The following ACSF2 variants were observed in gnomAD, a reference collection of about 807,000 sequenced individuals.
ACSF2 encodes the protein acyl-CoA synthetase family member 2.
In ACSF2, 52 loss-of-function variants were observed where a neutral mutation model predicts 79.3. The observed-to-expected ratio is 0.66, with a 90% CI of 0.53 to 0.83. ACSF2 has a LOEUF of 0.83. Ranked by LOEUF, ACSF2 falls within the 40% of genes least tolerant of loss-of-function variation. The probability of loss-of-function intolerance (pLI) is 0.00; values close to 1 mark genes in which losing one functional copy is unlikely to be tolerated. For missense variants in ACSF2, 661 were observed against 803.3 expected (o/e 0.82, Z 2.14); for synonymous variants, 283 against 312.6 (o/e 0.91, Z 1.00).
intron 10 of ACSF2, chr17:50,465,495 A>G: frequency 6.3e-7 from 1 of 1,597,796 alleles, no homozygotes; most frequent in East Asian, 2.2e-5. Context: ...GCTGGGGGGA[A>G]GGGCAGTGAA....
At chr17:50,469,666 C>T (rs1218788585) in intron 10 of ACSF2, among the ~76,000 whole-genome samples, 1 of 152,248 alleles carries the variant, frequency 6.6e-6, no homozygotes, top group African/African-American at 2.4e-5. Context: ...CATCCCCCCT[C>T]CTTCATCGCC....
chr17:50,453,448 T>C (rs1286503156), intron 1 of ACSF2, among the ~76,000 whole-genome samples: 4 of 151,988 alleles, frequency 2.6e-5, no homozygotes, highest in Non-Finnish European at 5.9e-5. Context: ...CCTCAGATGA[T>C]CCACCCACCT....
rs762475869 is a variant in ACSF2, at chr17:50,463,127, G to A, written c.793-29G>A. ...AGGGTGGGAAGGAGATGAGAAGGAG[G>A]CCAAGCCATGCCCTGTTTGCCTTGT... On this transcript the variant is annotated intron_variant, in intron 6 of 15. Transcript: ENST00000300441. The surrounding 1 kb of genome is among the most constrained non-coding windows in gnomAD (Gnocchi z 4.6). 4.4e-6 allele frequency: 7 copies of A among 1,597,102 alleles called. No homozygotes were observed. Among genetic ancestry groups the A allele is most frequent in the Non-Finnish European group, 8.6e-7 (1 of 1,165,804 alleles).
chr17:50,436,091 T>C (rs988398991), intron 1 of ACSF2, among the ~76,000 whole-genome samples: 2 of 151,668 alleles, frequency 1.3e-5, no homozygotes, highest in African/African-American at 4.9e-5. Flanking sequence ...TTAGTCAGAG[T>C]TCATTTTTGT....
At chr17:50,427,185 A>G (rs531378533) in intron 1 of ACSF2, among the ~76,000 whole-genome samples, 42 of 152,374 alleles carry the variant, frequency 2.8e-4, no homozygotes, top group Admixed American at 1.8e-3. Context: ...TGGTCAGGAC[A>G]GCACTTTCAG....
chr17:50,445,258 A>C (rs1567844230), intron 1 of ACSF2, among the ~76,000 whole-genome samples: 1 of 152,150 alleles, frequency 6.6e-6, no homozygotes, highest in African/African-American at 2.4e-5. Context: ...ATCTTGGACC[A>C]GTTGCTTAAC....
chr17:50,465,481 G>C (rs2032643836), intron 10 of ACSF2: 2 of 1,609,332 alleles, frequency 1.2e-6, no homozygotes, highest in Admixed American at 1.7e-5. Context: ...AAGAAGGTGG[G>C]AGTGCTGGGG....
chr17:50,465,200 A>G (rs2032619649), intron 10 of ACSF2: 2 of 1,460,870 alleles, frequency 1.4e-6, no homozygotes. Context: ...GGTCTGCCTG[A>G]CCCTCCAGGG....
chr17:50,430,041 C>T (rs1484607250), intron 1 of ACSF2, among the ~76,000 whole-genome samples: 2 of 152,306 alleles, frequency 1.3e-5, no homozygotes, highest in South Asian at 4.1e-4. Flanking sequence ...GCCTATGAGG[C>T]AGCTGCATCC....
intron 1 of ACSF2, among the ~76,000 whole-genome samples, chr17:50,446,963 CAT>C (rs928656492): frequency 7.2e-5 from 11 of 152,210 alleles, no homozygotes; most frequent in South Asian, 6.2e-4. Flanking sequence ...TTGGTGAGCA[CAT>C]GTTTGATTTC....
intron 10 of ACSF2, chr17:50,468,884 C>T (rs2032941347): frequency 2.1e-6 from 3 of 1,438,620 alleles, no homozygotes; most frequent in African/African-American, 1.5e-5. Flanking sequence ...GAGTCCTAGG[C>T]GCTCGGGTCT....
At chr17:50,444,417 C>T (rs549978111) in intron 1 of ACSF2, among the ~76,000 whole-genome samples, 2 of 151,852 alleles carry the variant, frequency 1.3e-5, no homozygotes, top group Non-Finnish European at 2.9e-5. Flanking sequence ...TAGTTGGGCA[C>T]GGTGGTGCAT....
chr17:50,463,294 G>T lies in ACSF2; in HGVS notation c.888+43G>T. Reference sequence around the variant, plus strand: ...CCAGGGCAAGGCTGCAGGAGGGGTGGCTCAGGCAGGGGTGGGGGGCTGGCT... The same window carrying T: ...CCAGGGCAAGGCTGCAGGAGGGGTGTCTCAGGCAGGGGTGGGGGGCTGGCT... On this transcript the variant is annotated intron_variant, in intron 7 of 15. Transcript: ENST00000300441. This position sits in a 1 kb window ranked among gnomAD's most constrained non-coding sequence, Gnocchi z 4.6. 6.2e-7 allele frequency: 1 copy of T among 1,612,440 alleles called. No homozygotes were observed. Among genetic ancestry groups the T allele is most frequent in the Non-Finnish European group, 8.5e-7 (1 of 1,178,964 alleles).
chr17:50,465,368 A>G, intron 10 of ACSF2: 1 of 1,613,960 alleles, frequency 6.2e-7, no homozygotes, highest in South Asian at 1.1e-5. Context: ...CGTGTCACGG[A>G]TGTGCTGGCC....
intron 6 of ACSF2, chr17:50,462,895 G>A: frequency 1.7e-6 from 1 of 582,614 alleles, no homozygotes; most frequent in South Asian, 2.2e-5. Context: ...AGACGCAGAA[G>A]AGAGAATTTG....
At chr17:50,462,049 G>A in intron 4 of ACSF2, 135 bp from the exon 5 acceptor site, 1 of 719,112 alleles carries the variant, frequency 1.4e-6, no homozygotes, top group Non-Finnish European at 2.4e-6. Flanking sequence ...GGAGTGTGGT[G>A]CCTGTGAGTG....
intron 1 of ACSF2, chr17:50,426,799 C>G: frequency 8.2e-7 from 1 of 1,219,056 alleles, no homozygotes; most frequent in Non-Finnish European, 1.1e-6. Flanking sequence ...GTCTCCCCGA[C>G]CCAGGCCACT....
intron 1 of ACSF2, among the ~76,000 whole-genome samples, chr17:50,429,798 G>A (rs929819044): frequency 1.3e-5 from 2 of 152,044 alleles, no homozygotes; most frequent in African/African-American, 2.4e-5. Context: ...GATTACAGGC[G>A]TGAGCCACCA....
chr17:50,428,516 G>A (rs1915220150), intron 1 of ACSF2, among the ~76,000 whole-genome samples: 1 of 151,290 alleles, frequency 6.6e-6, no homozygotes, highest in Non-Finnish European at 1.5e-5. Flanking sequence ...CAAGCATGGT[G>A]GCTTATGCCT....
Sources: allele counts gnomAD v4.1 joint callset (sites outside exome capture counted in the v4.1 genomes callset), GRCh38; gene constraint gnomAD v4.1.1; non-coding constraint Gnocchi (gnomAD v3.1); transcripts MANE v1.5; gene names NCBI Gene and HGNC (gene_info 2026-07-23, HGNC 2026-07-21).